The following R3HDM2 variants were observed in gnomAD, a reference collection of about 807,000 sequenced individuals.
The protein encoded by R3HDM2 is R3H domain containing 2, also known as R3H domain-containing protein 2.
A neutral mutation model predicts 124.5 loss-of-function variants in R3HDM2; 38 were observed. The observed-to-expected ratio is 0.31, with a 90% confidence interval of 0.24 to 0.40. The LOEUF (loss-of-function observed/expected upper bound fraction) is 0.40, where lower values mean the gene tolerates loss of function less well. Ranked by LOEUF, R3HDM2 falls within the 10% of genes least tolerant of loss-of-function variation. R3HDM2 has a pLI of 1.00. For missense variants in R3HDM2, 869 were observed against 1,236.9 expected (o/e 0.70, Z 4.46); for synonymous variants, 391 against 448.0 (o/e 0.87, Z 1.61).
chr12:57,352,418 C>A (rs2060784741), intron 2 of R3HDM2, among the ~76,000 whole-genome samples: 1 of 151,212 alleles, frequency 6.6e-6, no homozygotes, highest in Non-Finnish European at 1.5e-5. Context: ...AAATTCAATT[C>A]AATTCCAACA....
chr12:57,381,098 G>A (rs902428122), intron 2 of R3HDM2, among the ~76,000 whole-genome samples: 1 of 152,020 alleles, frequency 6.6e-6, no homozygotes, highest in Non-Finnish European at 1.5e-5. Context: ...GAGCGTGGTG[G>A]TGCACACCTG....
chr12:57,408,837 T>C (rs2068755729), intron 1 of R3HDM2, among the ~76,000 whole-genome samples: 2 of 145,278 alleles, frequency 1.4e-5, no homozygotes, highest in African/African-American at 5.1e-5. Context: ...CAGGAGTGGA[T>C]TACTGATTAA....
At chr12:57,298,822 G>A (rs1300386384) in intron 6 of R3HDM2, among the ~76,000 whole-genome samples, 1 of 151,988 alleles carries the variant, frequency 6.6e-6, no homozygotes, top group Non-Finnish European at 1.5e-5. Context: ...AATTAGCCAG[G>A]TGTGGTGGCA....
intron 1 of R3HDM2, among the ~76,000 whole-genome samples, chr12:57,416,478 T>C (rs1478068576): frequency 6.6e-6 from 1 of 152,122 alleles, no homozygotes; most frequent in East Asian, 1.9e-4. Flanking sequence ...CAATAGAAAC[T>C]TGCCCTGTCC....
intron 2 of R3HDM2, among the ~76,000 whole-genome samples, chr12:57,394,818 A>C (rs563696445): frequency 6.6e-6 from 1 of 152,260 alleles, no homozygotes; most frequent in South Asian, 2.1e-4. Context: ...TATATTAATC[A>C]CCTCTTAAGA....
intron 2 of R3HDM2, among the ~76,000 whole-genome samples, chr12:57,345,500 TACACACACACACACACAC>T (rs55903347): frequency 1.6e-4 from 23 of 147,636 alleles, no homozygotes; most frequent in African/African-American, 3.3e-4. Context: ...ATTTCTTTTA[TACACACACACACACACAC>T]ACACACACAC....
chr12:57,317,147 G>A (rs540736990), intron 2 of R3HDM2, among the ~76,000 whole-genome samples: 6 of 151,066 alleles, frequency 4.0e-5, no homozygotes, highest in African/African-American at 1.2e-4. Context: ...CTCTCAAAGC[G>A]ATTGGAATAA....
At chr12:57,404,723 A>G (rs2068368157) in intron 1 of R3HDM2, among the ~76,000 whole-genome samples, 2 of 151,488 alleles carry the variant, frequency 1.3e-5, no homozygotes, top group African/African-American at 4.8e-5. Context: ...CAAACAAAAG[A>G]AAACAAGGTA....
intron 1 of R3HDM2, among the ~76,000 whole-genome samples, chr12:57,416,216 A>G (rs944334127): frequency 1.3e-5 from 2 of 152,160 alleles, no homozygotes; most frequent in Non-Finnish European, 2.9e-5. Flanking sequence ...CTGTGTGTGT[A>G]CTATGTATGT....
At chr12:57,257,802 A>G (rs1446138451) in intron 21 of R3HDM2, among the ~76,000 whole-genome samples, 188 bp downstream of exon 21, 1 of 152,238 alleles carries the variant, frequency 6.6e-6, no homozygotes, top group Non-Finnish European at 1.5e-5. Flanking sequence ...AAGAAAGTTA[A>G]GCATGGACAG....
intron 14 of R3HDM2, among the ~76,000 whole-genome samples, chr12:57,276,864 G>A (rs2044892710): frequency 6.6e-6 from 1 of 151,930 alleles, no homozygotes; most frequent in Non-Finnish European, 1.5e-5. Context: ...TCCAACCTGG[G>A]TGACAGAGCG....
At chr12:57,383,587 AATC>A (rs2065226177) in intron 2 of R3HDM2, among the ~76,000 whole-genome samples, 1 of 152,094 alleles carries the variant, frequency 6.6e-6, no homozygotes. Context: ...GGGTGCCTGT[AATC>A]CCAGCTGCTC....
rs75855910 is a variant in R3HDM2 at position 57,340,489 on chromosome 12, T to C, written c.-35-30026A>G. 8.3e-3 allele frequency among the ~76,000 whole-genome samples: 1,270 copies of C among 152,310 alleles called. 20 individuals carry two copies. Among genetic ancestry groups the C allele is most frequent in the East Asian group, 0.072 (372 of 5,192 alleles). ...CTCTCCATTTGCCCTAGGATTATCTTCCTTTTTCTCCTCCTACCACACCCC... is the reference window on the plus strand; with the variant it reads ...CTCTCCATTTGCCCTAGGATTATCTCCCTTTTTCTCCTCCTACCACACCCC... On this transcript the variant is annotated intron_variant, in intron 2 of 23. Coordinates refer to ENST00000402412, the MANE Select transcript of R3HDM2 (RefSeq NM_001394031.1).
chr12:57,428,357 C>G (rs1210048681), intron 1 of R3HDM2, among the ~76,000 whole-genome samples: 1 of 151,952 alleles, frequency 6.6e-6, no homozygotes, highest in Non-Finnish European at 1.5e-5. Flanking sequence ...TTTGGCTGGG[C>G]GCGGTGGCTC....
chr12:57,379,392 C>G (rs1322120937), intron 2 of R3HDM2, among the ~76,000 whole-genome samples: 1 of 152,040 alleles, frequency 6.6e-6, no homozygotes, highest in Non-Finnish European at 1.5e-5. Context: ...ACCAGTCTGA[C>G]CAACATGGAG....
intron 2 of R3HDM2, among the ~76,000 whole-genome samples, chr12:57,311,331 TTC>T (rs1366065194): frequency 6.6e-6 from 1 of 152,030 alleles, no homozygotes; most frequent in Non-Finnish European, 1.5e-5. Flanking sequence ...GTTCACATCA[TTC>T]TCCTGCCTCA....
rs541479820 is a variant in R3HDM2, at chr12:57,394,614, G to T, written c.-36+1135C>A. ...GTCTTTTTTTAAAAAGACAGAGAAA[G>T]AAAAATAGGACAAATGTATTAATGC... is the stretch of plus-strand genomic sequence containing the variant. On this transcript the variant is annotated intron_variant, in intron 2 of 23. Coordinates refer to ENST00000402412, the MANE Select transcript of R3HDM2 (RefSeq NM_001394031.1). Among the ~76,000 whole-genome samples, 7 of 152,222 alleles carry T rather than the reference G, an allele frequency of 4.6e-5. No homozygotes were observed. In the South Asian group the frequency reaches 1.0e-3, roughly 23 times the overall value.
intron 2 of R3HDM2, among the ~76,000 whole-genome samples, chr12:57,340,531 T>C (rs1265044223): frequency 2.0e-5 from 3 of 152,260 alleles, no homozygotes; most frequent in African/African-American, 4.8e-5. Flanking sequence ...CAAAAATAGA[T>C]TGTGTTGGTC....
rs147090351 is a variant in R3HDM2, at chr12:57,297,261, T to C, written c.560+67A>G. ...ACTTCAAGGGGAACATCTCCTAAAA[T>C]TGTACCTAAATTTATTTCCAGTGCC... On this transcript the variant is annotated intron_variant, in intron 8 of 23. Coordinates refer to ENST00000402412, the MANE Select transcript of R3HDM2 (RefSeq NM_001394031.1). 54 of 870,324 alleles carry C rather than the reference T, an allele frequency of 6.2e-5. No homozygotes were observed. The African/African-American group carries it at 9.1e-4, about 15-fold the overall frequency. 53.9% of individuals were successfully genotyped at this position (870,324 alleles called of 1,614,324 possible).
Sources: allele counts gnomAD v4.1 joint callset (sites outside exome capture counted in the v4.1 genomes callset), GRCh38; gene constraint gnomAD v4.1.1; transcripts MANE v1.5; gene names NCBI Gene and HGNC (gene_info 2026-07-23, HGNC 2026-07-21).